Variants in SH3GL2 observed in about 807,000 individuals in gnomAD.
SH3GL2 encodes endophilin-A1.
Under a neutral mutation model 46.0 loss-of-function variants are expected in SH3GL2, and 24 were observed. The observed-to-expected ratio is 0.52, with a 90% confidence interval of 0.38 to 0.73. The LOEUF is 0.73. SH3GL2 is among the 30% of genes least tolerant of loss of function. The pLI is 0.00. For missense variants in SH3GL2, 413 were observed against 424.2 expected (o/e 0.97, Z 0.23); for synonymous variants, 196 against 147.1 (o/e 1.33, Z -2.40).
chr9:17,640,213 A>G (rs1819644548), intron 1 of SH3GL2, among the ~76,000 whole-genome samples: 1 of 152,090 alleles, frequency 6.6e-6, no homozygotes, highest in Non-Finnish European at 1.5e-5. Context: ...CTGCCAGTTT[A>G]TCTTATTTGC....
At chr9:17,675,636 G>C (rs1467568588) in intron 1 of SH3GL2, among the ~76,000 whole-genome samples, 1 of 152,180 alleles carries the variant, frequency 6.6e-6, no homozygotes, top group Admixed American at 6.5e-5. Flanking sequence ...TTTGTTGTCA[G>C]AAATATACTG....
At chr9:17,587,460 C>T (rs1818400409) in intron 1 of SH3GL2, among the ~76,000 whole-genome samples, 1 of 152,018 alleles carries the variant, frequency 6.6e-6, no homozygotes, top group South Asian at 2.1e-4. Context: ...GGAAATCTGC[C>T]CTCTTTGGGA....
intron 1 of SH3GL2, among the ~76,000 whole-genome samples, chr9:17,621,174 A>G (rs772975942): frequency 1.1e-4 from 17 of 152,228 alleles, no homozygotes; most frequent in Non-Finnish European, 2.1e-4. Context: ...GTTATCAATA[A>G]TCTGTGAATG....
chr9:17,644,694 G>T (rs1334240036), intron 1 of SH3GL2, among the ~76,000 whole-genome samples: 3 of 152,134 alleles, frequency 2.0e-5, no homozygotes, highest in South Asian at 2.1e-4. Context: ...GAAACTGTTT[G>T]TTATGATTTC....
At chr9:17,758,834 A>G (rs1416451101) in intron 2 of SH3GL2, among the ~76,000 whole-genome samples, 1 of 152,130 alleles carries the variant, frequency 6.6e-6, no homozygotes, top group Non-Finnish European at 1.5e-5. Context: ...CAATGGGCAC[A>G]AAGTCGGTAA....
chr9:17,736,106 A>T (rs966958307), intron 1 of SH3GL2, among the ~76,000 whole-genome samples: 1 of 152,112 alleles, frequency 6.6e-6, no homozygotes, highest in Non-Finnish European at 1.5e-5. Context: ...GTCAGTGCAT[A>T]GCCTTCTTAA....
chr9:17,754,320 G>A (rs976201659), intron 2 of SH3GL2, among the ~76,000 whole-genome samples: 11 of 152,116 alleles, frequency 7.2e-5, no homozygotes, highest in Non-Finnish European at 1.6e-4. Flanking sequence ...AGCATGGAAC[G>A]TTTTTCCATT....
intron 1 of SH3GL2, among the ~76,000 whole-genome samples, chr9:17,600,702 G>A (rs986809488): frequency 5.3e-5 from 8 of 152,128 alleles, no homozygotes; most frequent in African/African-American, 1.9e-4. Flanking sequence ...TGTATATGTT[G>A]TACTACTTTA....
chr9:17,793,234 T>A, intron 7 of SH3GL2, 133 bp from the exon 8 acceptor site: 2 of 771,628 alleles, frequency 2.6e-6, no homozygotes, highest in Non-Finnish European at 4.1e-6. Context: ...CTAAGGGTCC[T>A]TTTTTGATTT....
chr9:17,780,482 ATT>A (rs59714232), intron 3 of SH3GL2, among the ~76,000 whole-genome samples: 1 of 147,864 alleles, frequency 6.8e-6, no homozygotes, highest in South Asian at 2.1e-4. Flanking sequence ...TTTTTTTTTA[ATT>A]TTTTTTTTAT....
At chr9:17,659,182 G>T (rs1820156224) in intron 1 of SH3GL2, among the ~76,000 whole-genome samples, 1 of 152,106 alleles carries the variant, frequency 6.6e-6, no homozygotes, top group Non-Finnish European at 1.5e-5. Flanking sequence ...GGCCACTAAG[G>T]TCCCTTCCTG....
At chr9:17,607,372 A>G (rs1164624336) in intron 1 of SH3GL2, among the ~76,000 whole-genome samples, 1 of 152,236 alleles carries the variant, frequency 6.6e-6, no homozygotes, top group African/African-American at 2.4e-5. Flanking sequence ...AAAATATGGT[A>G]TAAACGATTA....
chr9:17,703,365 A>T (rs904548228), intron 1 of SH3GL2, among the ~76,000 whole-genome samples: 2 of 152,078 alleles, frequency 1.3e-5, no homozygotes, highest in Non-Finnish European at 2.9e-5. Context: ...ACAAGTTTGA[A>T]TATTAAAATT....
chr9:17,631,381 G>A (rs1395948806), intron 1 of SH3GL2, among the ~76,000 whole-genome samples: 1 of 152,188 alleles, frequency 6.6e-6, no homozygotes, highest in African/African-American at 2.4e-5. Flanking sequence ...CTCAGGCATA[G>A]GGCATATTTG....
Position 17,787,472 on chromosome 9 carries a change from C to T in SH3GL2, c.424C>T (p.Pro142Ser). The T allele has an allele frequency of 6.2e-7, 1 of 1,612,598 alleles. No homozygotes were observed. Among genetic ancestry groups the T allele is most frequent in the Non-Finnish European group, 8.5e-7 (1 of 1,178,850 alleles). Residue 142 changes from proline to serine, a missense_variant, in exon 5 of 9, where the codon CCT (proline) becomes TCT (serine). Coordinates refer to ENST00000380607, the MANE Select transcript of SH3GL2 (RefSeq NM_003026.5). ...AGAAGTGAAGCAGAACTTCATTGAC[C>T]CTCTTCAGAATCTTCATGACAAAGA... ...DIEVKQNFIDPLQNLHDKDLR... is the reference protein window; with the variant it reads ...DIEVKQNFIDSLQNLHDKDLR...
intron 1 of SH3GL2, among the ~76,000 whole-genome samples, chr9:17,678,223 A>G (rs1436234375): frequency 6.6e-6 from 1 of 152,000 alleles, no homozygotes; most frequent in Non-Finnish European, 1.5e-5. Context: ...GACTTCCACA[A>G]TGGTTGAACT....
intron 2 of SH3GL2, among the ~76,000 whole-genome samples, chr9:17,758,785 C>A (rs1823083804): frequency 1.4e-5 from 2 of 140,968 alleles, no homozygotes; most frequent in South Asian, 4.7e-4. Context: ...TGTAATGATG[C>A]CTGGACTAGG....
intron 3 of SH3GL2, among the ~76,000 whole-genome samples, chr9:17,785,046 C>T (rs1323044599): frequency 6.6e-6 from 1 of 152,186 alleles, no homozygotes; most frequent in Non-Finnish European, 1.5e-5. Context: ...AACATATGAT[C>T]CCTTTTATAT....
chr9:17,652,103 G>A (rs1819972380), intron 1 of SH3GL2, among the ~76,000 whole-genome samples: 1 of 151,782 alleles, frequency 6.6e-6, no homozygotes, highest in Admixed American at 6.6e-5. Flanking sequence ...TCACATTTCT[G>A]GCTTTATTCT....
Sources: allele counts gnomAD v4.1 joint callset (sites outside exome capture counted in the v4.1 genomes callset), GRCh38; gene constraint gnomAD v4.1.1; transcripts MANE v1.5; gene names NCBI Gene and HGNC (gene_info 2026-07-23, HGNC 2026-07-21).